Variants in SIGLEC8 observed in about 807,000 individuals in gnomAD.
SIGLEC8 encodes the protein sialic acid binding Ig like lectin 8, also known as sialic acid-binding Ig-like lectin 8.
A neutral mutation model predicts 42.1 loss-of-function variants in SIGLEC8; 32 were observed. The ratio of observed to expected loss-of-function variants is 0.76; its 90% CI spans 0.57 to 1.02. SIGLEC8 has a LOEUF of 1.02. Among genes scored for constraint, SIGLEC8 ranks in the 50% least tolerant of loss-of-function variants. The pLI, the probability that SIGLEC8 is intolerant of heterozygous loss-of-function variation, is 0.00. For missense variants in SIGLEC8, 611 were observed against 610.2 expected, an observed-to-expected ratio of 1.00 and a Z score of -0.01; for synonymous variants, 262 against 260.3, an observed-to-expected ratio of 1.01 and a Z score of -0.06.
chr19:51,454,106 G>T lies in SIGLEC8; in HGVS notation c.1245+113C>A. 1 of 1,528,110 alleles carries T rather than the reference G, an allele frequency of 6.5e-7. No homozygotes were observed. The highest frequency in any genetic ancestry group is 8.8e-7 in the Non-Finnish European group (1 of 1,138,540). 94.7% of individuals were successfully genotyped at this position (1,528,110 alleles called of 1,614,324 possible). On this transcript the variant is annotated intron_variant, in intron 6 of 6. Coordinates refer to ENST00000321424, the MANE Select transcript of SIGLEC8 (RefSeq NM_014442.3). The surrounding 1 kb of genome is among the most constrained non-coding windows in gnomAD (Gnocchi z 4.7). Reference sequence around the variant, plus strand: ...CCTGTAGAAGCCGGCCTGTGGGAAGGAGGAGGAGACGAGGAAGTGACTTTG... The same window carrying T: ...CCTGTAGAAGCCGGCCTGTGGGAAGTAGGAGGAGACGAGGAAGTGACTTTG...
chr19:51,454,127 C>T lies in SIGLEC8; in HGVS notation c.1245+92G>A, dbSNP rs1989431958. ...GAAGGAGGAGGAGACGAGGAAGTGA[C>T]TTTGGCCATACCAAAGAGAGCGATC... On this transcript the variant is annotated intron_variant, in intron 6 of 6. Coordinates refer to ENST00000321424, the MANE Select transcript of SIGLEC8 (RefSeq NM_014442.3). The surrounding 1 kb of genome is among the most constrained non-coding windows in gnomAD (Gnocchi z 4.7). 1 of 1,581,172 alleles carries T rather than the reference C, an allele frequency of 6.3e-7. No individual in the cohort carries two copies. Among genetic ancestry groups the T allele is most frequent in the Non-Finnish European group, 8.6e-7 (1 of 1,163,264 alleles).
rs1435608059 is a variant in SIGLEC8 at position 51,452,506 on chromosome 19, T to C, written c.1373A>G (p.Gln458Arg). The change falls in exon 7 of 7, where the codon CAG (glutamine) becomes CGG (arginine). Residue 458 changes from glutamine to arginine, a missense_variant. Gln to Arg is a conservative substitution (Grantham distance 43). Coordinates refer to ENST00000321424, the MANE Select transcript of SIGLEC8 (RefSeq NM_014442.3). ...AGTGGCCTCCTGTCCCTGCGGGTCC[T>C]GAGGCTTCACTTTATGGAAGCTGAG... is the stretch of plus-strand genomic sequence containing the variant. ...ATLSFHKVKP[Q>R]DPQGQEATDS... The C allele has an allele frequency of 5.0e-6, 8 of 1,608,582 alleles. No individual in the cohort carries two copies. Among genetic ancestry groups the C allele is most frequent in the Non-Finnish European group, 6.8e-6 (8 of 1,175,580 alleles).
Position 51,457,914 on chromosome 19 carries a change from T to A in SIGLEC8, c.454+20A>T. The A allele has an allele frequency of 6.2e-7, 1 of 1,611,818 alleles. No homozygotes were observed. Among genetic ancestry groups the A allele is most frequent in the Non-Finnish European group, 8.5e-7 (1 of 1,178,230 alleles). ...CCTCATGACCTTCCCCTGTGGCCTG[T>A]GCTGGAGCCCGTGCCTTACCTGTCA... On this transcript the variant is annotated intron_variant, in intron 1 of 6. Coordinates refer to ENST00000321424, the MANE Select transcript of SIGLEC8 (RefSeq NM_014442.3).
Position 51,454,795 on chromosome 19 carries a change from G to A in SIGLEC8, c.1052-15C>T, listed in dbSNP as rs1162611231. On this transcript the variant is annotated splice_polypyrimidine_tract_variant and intron_variant, in intron 4 of 6. Transcript: ENST00000321424. The surrounding 1 kb of genome is among the most constrained non-coding windows in gnomAD (Gnocchi z 4.7). Reference sequence around the variant, plus strand: ...TCTTGAGGTGCCTGCAGATGGATTGGAGTTGCTTTGGGGATTTATATCACG... The same window carrying A: ...TCTTGAGGTGCCTGCAGATGGATTGAAGTTGCTTTGGGGATTTATATCACG... The A allele has an allele frequency of 6.2e-7, 1 of 1,603,234 alleles. No individual in the cohort carries two copies. The highest frequency in any genetic ancestry group is 1.1e-5 in the South Asian group (1 of 90,858).
rs754844978 is a variant in SIGLEC8, at chr19:51,455,678, G to T, written c.791C>A (p.Ala264Asp). ...VFQGDATASTALGNGSSLSVL... is the reference protein window; with the variant it reads ...VFQGDATASTDLGNGSSLSVL... ...TGAAAGAGATGAGCCATTTCCCAGG[G>T]CTGTGGATGCTGCAGAGAAAGAGAC... is the stretch of plus-strand genomic sequence containing the variant. Residue 264 changes from alanine (A) to aspartate (D), a missense_variant, in exon 4 of 7, where the codon GCC becomes GAC. By Grantham distance (126) the Ala-to-Asp change is moderately radical (BLOSUM62 -2). Coordinates refer to ENST00000321424, the MANE Select transcript of SIGLEC8 (RefSeq NM_014442.3). The T allele has an allele frequency of 1.2e-6, 2 of 1,613,442 alleles. No homozygotes were observed. The highest frequency in any genetic ancestry group is 1.7e-6 in the Non-Finnish European group (2 of 1,179,776).
Position 51,457,377 on chromosome 19 carries a change from G to A in SIGLEC8, c.733+84C>T, listed in dbSNP as rs561661717. The A allele has an allele frequency of 3.2e-6, 5 of 1,545,838 alleles. No homozygotes were observed. The East Asian group carries it at 1.1e-4, about 35-fold the overall frequency. ...CCCAGATTCTGGGACCCAGAACCCA[G>A]TGTCCAGGCTTGAACCCCATCCCCT... On this transcript the variant is annotated intron_variant, in intron 2 of 6. Transcript: ENST00000321424.
rs1989443444 is a variant in SIGLEC8 at position 51,454,500 on chromosome 19, G to A, written c.1148+184C>T. Among the ~76,000 whole-genome samples the A allele has an allele frequency of 6.6e-6, 1 of 152,166 alleles. No homozygotes were observed. The highest frequency in any genetic ancestry group is 1.5e-5 in the Non-Finnish European group (1 of 68,028). The stretch of plus-strand genomic sequence containing the variant: ...CTGCCTCATGGATGGTGGGGCCCGA[G>A]GTTGCTACAGATGTGGAGCCCCACA... On this transcript the variant is annotated intron_variant, in intron 5 of 6. Coordinates refer to ENST00000321424, the MANE Select transcript of SIGLEC8 (RefSeq NM_014442.3). This position sits in a 1 kb window ranked among gnomAD's most constrained non-coding sequence, Gnocchi z 4.7.
chr19:51,452,239 T>C lies in SIGLEC8; in HGVS notation c.*140A>G. ...AGGTCGAGAGGAGAATGGTGGGTAG[T>C]AGAAGCTAGAGGCAGGGATGGGTCC... is the stretch of plus-strand genomic sequence containing the variant. On this transcript the variant is annotated 3_prime_UTR_variant, in exon 7 of 7. Transcript: ENST00000321424. The C allele has an allele frequency of 3.2e-6, 2 of 619,972 alleles. No individual in the cohort carries two copies. The highest frequency in any genetic ancestry group is 2.4e-5 in the South Asian group (1 of 41,134). 38.4% of individuals were successfully genotyped at this position (619,972 alleles called of 1,614,324 possible). A position where few individuals can be genotyped will look rare whatever the true frequency, so the allele number is the denominator to read the frequency against.
At position 51,457,633 on chromosome 19, in the gene SIGLEC8, G is replaced by A. The variant is rs1226169160; in HGVS notation, c.561C>T (p.Pro187=). The A allele has an allele frequency of 6.2e-7, 1 of 1,611,538 alleles. No homozygotes were observed. The highest frequency in any genetic ancestry group is 1.3e-5 in the African/African-American group (1 of 74,892). Reference sequence around the variant, plus strand: ...CGGAGGCCCCAATCCAGGAGATCATGGGGGGTGTCCCCTGCTTACAGGCCC... The same window carrying A: ...CGGAGGCCCCAATCCAGGAGATCATAGGGGGTGTCCCCTGCTTACAGGCCC... ...VPWACKQGTP[P]MISWIGASVS... The change falls in exon 2 of 7, where the codon CCC becomes CCT. Residue 187 remains proline (P), a synonymous_variant. Coordinates refer to ENST00000321424, the MANE Select transcript of SIGLEC8 (RefSeq NM_014442.3).
Position 51,451,335 on chromosome 19 carries a change from A to T in SIGLEC8, c.*1044T>A, listed in dbSNP as rs1459294863. 6.6e-6 allele frequency: 1 copy of T among 152,216 alleles called. No individual in the cohort carries two copies. Among genetic ancestry groups the T allele is most frequent in the Non-Finnish European group, 1.5e-5 (1 of 68,048 alleles). The allele number at this position is 152,216 out of a possible 1,614,324, so 9.4% of individuals were successfully genotyped here. A position where few individuals can be genotyped will look rare whatever the true frequency, so the allele number is the denominator to read the frequency against. On this transcript the variant is annotated 3_prime_UTR_variant, in exon 7 of 7. Coordinates refer to ENST00000321424, the MANE Select transcript of SIGLEC8 (RefSeq NM_014442.3). ...CAAACAAACAACCTGCAATAAAAAA[A>T]AACGTTTTAAATTGGGGGTAAACAA...
chr19:51,456,067 G>A (rs1445253887), intron 3 of SIGLEC8, among the ~76,000 whole-genome samples: 1 of 138,374 alleles, frequency 7.2e-6, no homozygotes, highest in African/African-American at 2.6e-5. Flanking sequence ...ACACACCGGG[G>A]ACTGTTGTGG....
chr19:51,457,989 C>A lies in SIGLEC8; in HGVS notation c.399G>T (p.Trp133Cys). 2 of 1,614,176 alleles carry A rather than the reference C, an allele frequency of 1.2e-6. No homozygotes were observed. Among genetic ancestry groups the A allele is most frequent in the Non-Finnish European group, 1.7e-6 (2 of 1,180,030 alleles). ...FFRLERGSMK[W>C]SYKSQLNYKT... Reference sequence around the variant, plus strand: ...TGTAATTCAACTGTGATTTGTAACTCCATTTCATGCTTCCTCTCTCTAGCC... The same window carrying A: ...TGTAATTCAACTGTGATTTGTAACTACATTTCATGCTTCCTCTCTCTAGCC... Residue 133 changes from tryptophan (W) to cysteine (C), a missense_variant, in exon 1 of 7, where the codon TGG becomes TGT. Trp to Cys is a radical substitution (Grantham distance 215, BLOSUM62 -2). Transcript: ENST00000321424.
At position 51,451,119 on chromosome 19, in the gene SIGLEC8, GAA is replaced by G. The variant is rs1434013669; in HGVS notation, c.*1258_*1259del. On this transcript the variant is annotated 3_prime_UTR_variant, in exon 7 of 7. Transcript: ENST00000321424. ...ATCTTACATGGTGGCAGGCAAGAGA[GAA>G]GAGCAGGGGAAACCACCACTTACAA... The G allele has an allele frequency of 6.6e-6, 1 of 152,086 alleles. No homozygotes were observed. The highest frequency in any genetic ancestry group is 1.5e-5 in the Non-Finnish European group (1 of 68,030). 9.4% of individuals were successfully genotyped at this position (152,086 alleles called of 1,614,324 possible).
rs1475846324 is a variant in SIGLEC8 at position 51,454,281 on chromosome 19, C to T, written c.1183G>A (p.Ala395Thr). 2 of 1,614,020 alleles carry T rather than the reference C, an allele frequency of 1.2e-6. No individual in the cohort carries two copies. The highest frequency in any genetic ancestry group is 1.3e-5 in the African/African-American group (1 of 75,046). The change falls in exon 6 of 7, where the codon GCA becomes ACA. Residue 395 changes from alanine to threonine, a missense_variant. By Grantham distance (58) the Ala-to-Thr change is moderately conservative. Transcript: ENST00000321424. This position sits in a 1 kb window ranked among gnomAD's most constrained non-coding sequence, Gnocchi z 4.7. ...ATGCCTGTATCCCCCACGCCCGCTG[C>T]TGGCCTTGCCGATTTCTTCCTGCAG... The part of the protein sequence containing the change: ...RSCRKKSARP[A>T]AGVGDTGMED...
At chr19:51,452,740 T>A in intron 6 of SIGLEC8, 107 bp from the exon 7 acceptor site, 1 of 1,064,232 alleles carries the variant, frequency 9.4e-7, no homozygotes, top group Non-Finnish European at 1.3e-6. Flanking sequence ...TCATCCCACC[T>A]GCATTTTTGT....
Position 51,454,241 on chromosome 19 carries a change from G to T in SIGLEC8, c.1223C>A (p.Ala408Asp). ...VGDTGMEDAK[A>D]IRGSASQGPL... The stretch of plus-strand genomic sequence containing the variant: ...CACCTGAGAGGCCGAGCCCCTGATG[G>T]CCTTTGCATCTTCCATGCCTGTATC... Residue 408 changes from alanine to aspartate, a missense_variant, in exon 6 of 7, where the codon GCC (alanine) becomes GAC (aspartate). By Grantham distance (126) the Ala-to-Asp change is moderately radical. Transcript: ENST00000321424. This position sits in a 1 kb window ranked among gnomAD's most constrained non-coding sequence, Gnocchi z 4.7. The T allele has an allele frequency of 6.2e-7, 1 of 1,614,134 alleles. No individual in the cohort carries two copies.
In SIGLEC8 at chr19:51,457,727, C is replaced by T; in HGVS notation, c.467G>A (p.Arg156Lys). 1 of 1,583,816 alleles carries T rather than the reference C, an allele frequency of 6.3e-7. No individual in the cohort carries two copies. Among genetic ancestry groups the T allele is most frequent in the Non-Finnish European group, 8.6e-7 (1 of 1,166,832 alleles). Residue 156 changes from arginine to lysine, a missense_variant, in exon 2 of 7, where the codon AGG (arginine) becomes AAG (lysine). By Grantham distance (26) the Arg-to-Lys change is conservative. Coordinates refer to ENST00000321424, the MANE Select transcript of SIGLEC8 (RefSeq NM_014442.3). Reference protein sequence around the residue: ...LSVFVTALTHRPDILILGTLE... With the variant: ...LSVFVTALTHKPDILILGTLE... ...GGTCCCTAGGATGAGGATGTCAGGC[C>T]TATGGGTCAGGGCTGGTGAAGATGG...
rs930545937 is a variant in SIGLEC8, at chr19:51,452,597, G to C, written c.1282C>G (p.Leu428Val). 1.9e-6 allele frequency: 3 copies of C among 1,563,456 alleles called. No homozygotes were observed. The highest frequency in any genetic ancestry group is 2.6e-6 in the Non-Finnish European group (3 of 1,150,106). Residue 428 changes from leucine (L) to valine (V), a missense_variant, in exon 7 of 7, where the codon CTG (leucine) becomes GTG (valine). Leu to Val is a conservative substitution (Grantham distance 32). Coordinates refer to ENST00000321424, the MANE Select transcript of SIGLEC8 (RefSeq NM_014442.3). ...GCAACAGCTGGGGGAGGCTTCTTCA[G>C]GGGGTTGCCATCTTTCCAGGATTCA... ...LTESWKDGNP[L>V]KKPPPAVAPS...
intron 6 of SIGLEC8, chr19:51,453,603 G>A (rs1041881426): frequency 1.1e-5 from 5 of 438,082 alleles, no homozygotes; most frequent in Non-Finnish European, 1.5e-5. Context: ...GCTGAGGCAG[G>A]AGAATTGCTT....
Sources: allele counts gnomAD v4.1 joint callset (sites outside exome capture counted in the v4.1 genomes callset), GRCh38; gene constraint gnomAD v4.1.1; non-coding constraint Gnocchi (gnomAD v3.1); transcripts MANE v1.5; gene names NCBI Gene and HGNC (gene_info 2026-07-23, HGNC 2026-07-21).